Variants in DNAH14 observed in about 807,000 individuals in gnomAD.
DNAH14 encodes the protein dynein axonemal heavy chain 14, also known as axonemal beta dynein heavy chain 14.
A neutral mutation model predicts 520.9 loss-of-function variants in DNAH14; 478 were observed. The observed-to-expected ratio is 0.92, with a 90% CI of 0.85 to 0.99. The LOEUF (loss-of-function observed/expected upper bound fraction) is 0.99. Among genes scored for constraint, DNAH14 ranks in the 50% least tolerant of loss-of-function variants. The pLI is 0.00. For missense variants in DNAH14, 4,831 were observed against 5,234.5 expected (o/e 0.92, Z 2.38); for synonymous variants, 1,581 against 1,757.2 (o/e 0.90, Z 2.51).
At chr1:225,110,714 T>C (rs2076415777) in intron 23 of DNAH14, among the ~76,000 whole-genome samples, 2 of 152,076 alleles carry the variant, frequency 1.3e-5, no homozygotes, top group African/African-American at 4.8e-5. Context: ...TTTAGTTTGC[T>C]CTTTTCTAAT....
chr1:224,981,002 T>C (rs1035215835), intron 8 of DNAH14, among the ~76,000 whole-genome samples: 3 of 152,228 alleles, frequency 2.0e-5, no homozygotes, highest in Non-Finnish European at 2.9e-5. Context: ...AAAAATAAAA[T>C]AAATAGCTGT....
intron 36 of DNAH14, among the ~76,000 whole-genome samples, chr1:225,170,552 A>G (rs373561897): frequency 1.3e-5 from 2 of 152,290 alleles, no homozygotes; most frequent in East Asian, 1.9e-4. Flanking sequence ...AGGGATCAAT[A>G]CAACAAGAAG....
intron 11 of DNAH14, among the ~76,000 whole-genome samples, chr1:225,030,292 A>G (rs1162435179): frequency 6.6e-6 from 1 of 151,988 alleles, no homozygotes; most frequent in Non-Finnish European, 1.5e-5. Flanking sequence ...TAAAAACTAC[A>G]TGATATCTGT....
intron 29 of DNAH14, 76 bp from the exon 30 acceptor site, chr1:225,145,245 CATTTT>C (rs2079827854): frequency 4.4e-6 from 5 of 1,132,994 alleles, no homozygotes; most frequent in Non-Finnish European, 6.2e-6. Context: ...AGCATAAAGA[CATTTT>C]ATTACTCTAG....
intron 2 of DNAH14, chr1:224,954,541 A>G (rs896883691): frequency 6.5e-6 from 1 of 153,180 alleles, no homozygotes; most frequent in African/African-American, 2.4e-5. Flanking sequence ...ATGAAATTTC[A>G]GAAAATTGTG....
intron 81 of DNAH14, 26 bp from the exon 82 acceptor site, chr1:225,388,353 A>G (rs1402460386): frequency 7.1e-7 from 1 of 1,400,590 alleles, no homozygotes; most frequent in Non-Finnish European, 9.8e-7. Context: ...AAAAAAAATG[A>G]TGTGACTGTC....
chr1:225,060,674 A>C (rs1320179915), intron 17 of DNAH14, among the ~76,000 whole-genome samples: 1 of 112,594 alleles, frequency 8.9e-6, no homozygotes, highest in African/African-American at 2.7e-5. Flanking sequence ...GATGATGGTG[A>C]TGTACAGATG....
chr1:224,965,216 G>C (rs1321637564), intron 5 of DNAH14, among the ~76,000 whole-genome samples: 1 of 151,994 alleles, frequency 6.6e-6, no homozygotes, highest in Non-Finnish European at 1.5e-5. Context: ...TCTCCCTACT[G>C]TTAGATAGGG....
intron 1 of DNAH14, among the ~76,000 whole-genome samples, chr1:224,950,219 T>G (rs79118182): frequency 0.033 from 5,029 of 152,304 alleles, 308 homozygotes; most frequent in African/African-American, 0.11. Context: ...TAGTTCTGTA[T>G]TTAAATGAGT....
At chr1:225,191,154 T>C (rs1036554276) in intron 37 of DNAH14, among the ~76,000 whole-genome samples, 1 of 152,060 alleles carries the variant, frequency 6.6e-6, no homozygotes, top group Admixed American at 6.6e-5. Flanking sequence ...CAGAGATCTT[T>C]ATTTCTTCAA....
intron 23 of DNAH14, among the ~76,000 whole-genome samples, chr1:225,109,804 A>G (rs1443958853): frequency 6.6e-6 from 1 of 152,132 alleles, no homozygotes. Context: ...CTTAGAGGAA[A>G]GGCTTTCATT....
intron 19 of DNAH14, among the ~76,000 whole-genome samples, chr1:225,082,101 TCTTG>T (rs2073190880): frequency 6.6e-6 from 1 of 151,890 alleles, no homozygotes; most frequent in African/African-American, 2.4e-5. Flanking sequence ...CAAGACCTCA[TCTTG>T]CTATGTTAAG....
At position 225,119,248 on chromosome 1, in the gene DNAH14, C is replaced by T. The variant is rs769274140; in HGVS notation, c.4120C>T (p.Gln1374Ter). Residue 1374 changes from glutamine (Q) to a stop codon, truncating the protein, a stop_gained, in exon 26 of 86, where the codon CAG becomes TAG. Transcript: ENST00000682510. LOFTEE classifies it high-confidence loss of function. ...KKIRVRSAVE[Q>*]WLVNVEKSMF... ...AATTCGTGTAAGAAGTGCTGTAGAA[C>T]AGTGGCTGGTAAATGTAGAAAAAAG... is the stretch of plus-strand genomic sequence containing the variant. 15 of 1,527,108 alleles carry T rather than the reference C, an allele frequency of 9.8e-6. No homozygotes were observed. Among genetic ancestry groups the T allele is most frequent in the Non-Finnish European group, 1.2e-5 (14 of 1,135,692 alleles). 94.6% of individuals were successfully genotyped at this position (1,527,108 alleles called of 1,614,324 possible). A position where few individuals can be genotyped will look rare whatever the true frequency, so the allele number is the denominator to read the frequency against.
chr1:225,292,948 C>A (rs554846064), intron 55 of DNAH14, among the ~76,000 whole-genome samples: 58 of 152,110 alleles, frequency 3.8e-4, no homozygotes, highest in African/African-American at 1.3e-3. Context: ...TATCCTGCTA[C>A]TTTGCTGCAT....
intron 27 of DNAH14, among the ~76,000 whole-genome samples, chr1:225,139,819 T>C (rs1279138071): frequency 6.6e-6 from 1 of 152,176 alleles, no homozygotes; most frequent in Non-Finnish European, 1.5e-5. Context: ...GACCAGACTC[T>C]GCCGTGACAT....
At position 225,080,438 on chromosome 1, in the gene DNAH14, C is replaced by A; in HGVS notation, c.2826C>A (p.Ile942=). 1 of 1,551,184 alleles carries A rather than the reference C, an allele frequency of 6.4e-7. No individual in the cohort carries two copies. The highest frequency in any genetic ancestry group is 8.7e-7 in the Non-Finnish European group (1 of 1,146,724). Residue 942 remains isoleucine, a synonymous_variant, in exon 19 of 86, where the codon ATC becomes ATA. Transcript: ENST00000682510. ...GTQVSTAMEM[I]QTLSGEAASL... ...AAGTGTCAACAGCAATGGAAATGATCCAGACTCTCTCAGGGGAAGCTGCAA... is the reference window on the plus strand; with the variant it reads ...AAGTGTCAACAGCAATGGAAATGATACAGACTCTCTCAGGGGAAGCTGCAA...
intron 50 of DNAH14, among the ~76,000 whole-genome samples, chr1:225,271,140 C>T (rs2093305069): frequency 6.6e-6 from 1 of 152,080 alleles, no homozygotes; most frequent in Admixed American, 6.5e-5. Context: ...GTATATCTGG[C>T]CTGGCATGTA....
At chr1:225,380,083 G>C (rs752509661) in intron 79 of DNAH14, 76 bp from the exon 80 acceptor site, 124 of 1,445,038 alleles carry the variant, frequency 8.6e-5, no homozygotes, top group Non-Finnish European at 1.1e-4. Context: ...CAGTAATCTT[G>C]AATCCTTTAA....
chr1:225,206,318 T>G, intron 40 of DNAH14, 139 bp downstream of exon 40: 1 of 749,226 alleles, frequency 1.3e-6, no homozygotes, highest in Non-Finnish European at 2.1e-6. Context: ...TTCAAATCTT[T>G]GTGTCTCCCA....
Sources: gnomAD v4.1 joint callset for allele counts (sites outside exome capture counted in the v4.1 genomes callset) on GRCh38, gnomAD v4.1.1 for gene constraint, MANE v1.5 for transcripts, NCBI Gene and HGNC (gene_info 2026-07-23, HGNC 2026-07-21) for gene names.